FHIT: variants seen among roughly 807,000 people sequenced by gnomAD.
FHIT encodes the protein bis(5'-adenosyl)-triphosphatase.
In FHIT, 19 loss-of-function variants were observed where a neutral mutation model predicts 17.9. The ratio of observed to expected loss-of-function variants is 1.06; its 90% CI spans 0.74 to 1.56. The LOEUF (loss-of-function observed/expected upper bound fraction) is 1.56. FHIT is among the 40% of genes most tolerant of loss of function. FHIT has a pLI of 0.00. For missense variants in FHIT, 248 were observed against 189.2 expected, an observed-to-expected ratio of 1.31 and a Z score of -1.82; for synonymous variants, 81 against 69.7, an observed-to-expected ratio of 1.16 and a Z score of -0.81.
At chr3:60,994,332 C>CA (rs2107589408) in intron 3 of FHIT, among the ~76,000 whole-genome samples, 1 of 152,066 alleles carries the variant, frequency 6.6e-6, no homozygotes, top group East Asian at 1.9e-4. Flanking sequence ...GGATGGAGAA[C>CA]GTGGGGGAAG....
chr3:60,038,070 T>C (rs1376579781), intron 5 of FHIT, among the ~76,000 whole-genome samples: 3 of 152,196 alleles, frequency 2.0e-5, no homozygotes, highest in Non-Finnish European at 2.9e-5. Context: ...TCAATGTTAT[T>C]AAATTTCAGA....
chr3:60,935,265 C>T (rs1407075425), intron 3 of FHIT, among the ~76,000 whole-genome samples: 1 of 152,180 alleles, frequency 6.6e-6, no homozygotes, highest in East Asian at 1.9e-4. Context: ...CAAGATAAAT[C>T]ATTCTCATCC....
chr3:60,481,053 G>A (rs973384121), intron 5 of FHIT, among the ~76,000 whole-genome samples: 3 of 152,166 alleles, frequency 2.0e-5, no homozygotes, highest in South Asian at 2.1e-4. Flanking sequence ...ATTCCGCCTG[G>A]ACATCCAGGC....
chr3:60,850,132 T>A (rs1162577329), intron 3 of FHIT, among the ~76,000 whole-genome samples: 4 of 152,034 alleles, frequency 2.6e-5, no homozygotes, highest in South Asian at 2.1e-4. Context: ...AGGGGGCATT[T>A]AGGAAGTCCC....
intron 4 of FHIT, among the ~76,000 whole-genome samples, chr3:60,561,803 C>T (rs994492247): frequency 2.0e-5 from 3 of 151,782 alleles, no homozygotes; most frequent in African/African-American, 7.3e-5. Flanking sequence ...TTTAAAAGGC[C>T]TTTTAGTAAC....
chr3:60,562,411 A>C (rs1164808881), intron 4 of FHIT, among the ~76,000 whole-genome samples: 1 of 152,280 alleles, frequency 6.6e-6, no homozygotes, highest in East Asian at 1.9e-4. Context: ...TGTTTGAGAT[A>C]AATTGGCCAG....
Position 60,476,445 on chromosome 3 carries a change from G to A in FHIT, c.103+60415C>T, listed in dbSNP as rs187781772. Among the ~76,000 whole-genome samples the A allele has an allele frequency of 2.6e-5, 4 of 152,300 alleles. No individual in the cohort carries two copies. The East Asian group carries it at 5.8e-4, about 22-fold the overall frequency. ...AAAAAGTAACTGCTATAAGGGGAGT[G>A]AGACTACTGCAATAGGGAGAGCTCT... On this transcript the variant is annotated intron_variant, in intron 5 of 9. Coordinates refer to ENST00000492590, the MANE Select transcript of FHIT (RefSeq NM_002012.4).
At chr3:60,551,294 A>T (rs1277125437) in intron 4 of FHIT, among the ~76,000 whole-genome samples, 3 of 150,310 alleles carry the variant, frequency 2.0e-5, no homozygotes, top group Non-Finnish European at 4.4e-5. Context: ...TCAGGGTCTA[A>T]ATTTGACTTT....
intron 8 of FHIT, among the ~76,000 whole-genome samples, chr3:59,817,780 T>A (rs114019898): frequency 2.6e-5 from 4 of 152,026 alleles, no homozygotes; most frequent in African/African-American, 9.7e-5. Flanking sequence ...AGATTCCTTC[T>A]TTAAAAAAAG....
chr3:60,655,970 C>A (rs2040104380), intron 4 of FHIT, among the ~76,000 whole-genome samples: 1 of 152,196 alleles, frequency 6.6e-6, no homozygotes, highest in Non-Finnish European at 1.5e-5. Context: ...TTATTTAGAA[C>A]AGCCTGGGTA....
intron 7 of FHIT, among the ~76,000 whole-genome samples, chr3:59,988,490 T>C (rs1270069406): frequency 6.6e-6 from 1 of 152,108 alleles, no homozygotes; most frequent in Non-Finnish European, 1.5e-5. Context: ...CATTCATCCA[T>C]TCACTCATTC....
intron 3 of FHIT, chr3:60,912,814 T>C: frequency 5.9e-6 from 3 of 512,048 alleles, no homozygotes; most frequent in Non-Finnish European, 1.2e-5. Context: ...TAAAAATTTA[T>C]TGCTCTTTTT....
At chr3:60,483,903 T>C (rs1193846666) in intron 5 of FHIT, among the ~76,000 whole-genome samples, 1 of 152,132 alleles carries the variant, frequency 6.6e-6, no homozygotes, top group Non-Finnish European at 1.5e-5. Context: ...TGTTTAGAGA[T>C]TACATGATTT....
chr3:60,002,430 G>T (rs1341849441), intron 7 of FHIT, among the ~76,000 whole-genome samples: 1 of 152,114 alleles, frequency 6.6e-6, no homozygotes, highest in Non-Finnish European at 1.5e-5. Flanking sequence ...TTGGAGAACG[G>T]ATCTATTAGA....
chr3:60,405,747 G>A (rs935201497), intron 5 of FHIT, among the ~76,000 whole-genome samples: 3 of 152,210 alleles, frequency 2.0e-5, no homozygotes, highest in Admixed American at 6.5e-5. Flanking sequence ...CTAGGAGGGT[G>A]CTACAGGCAT....
At chr3:60,237,677 C>A (rs761368404) in intron 5 of FHIT, among the ~76,000 whole-genome samples, 3 of 152,178 alleles carry the variant, frequency 2.0e-5, no homozygotes, top group Admixed American at 1.3e-4. Flanking sequence ...CTGCCCCATA[C>A]TTGCATTCGG....
At chr3:59,857,705 G>GTTTTT (rs78150569) in intron 8 of FHIT, among the ~76,000 whole-genome samples, 3 of 115,436 alleles carry the variant, frequency 2.6e-5, no homozygotes, top group Admixed American at 8.8e-5. Context: ...AAAGTGCTGG[G>GTTTTT]TTTTTTTTTT....
chr3:60,592,030 C>G (rs797028957), intron 4 of FHIT, among the ~76,000 whole-genome samples: 1 of 151,770 alleles, frequency 6.6e-6, no homozygotes. Context: ...AACAGAAAAT[C>G]GGATTTCAAA....
intron 8 of FHIT, among the ~76,000 whole-genome samples, chr3:59,813,805 T>G (rs1700492302): frequency 6.6e-6 from 1 of 152,126 alleles, no homozygotes; most frequent in Admixed American, 6.5e-5. Flanking sequence ...TACACGTGAC[T>G]CAATAAACAG....
Sources: allele counts gnomAD v4.1 joint callset (sites outside exome capture counted in the v4.1 genomes callset), GRCh38; gene constraint gnomAD v4.1.1; transcripts MANE v1.5; gene names NCBI Gene and HGNC (gene_info 2026-07-23, HGNC 2026-07-21).